Variants in PTK2 observed in about 807,000 individuals in gnomAD.
The protein encoded by PTK2 is protein tyrosine kinase 2.
A neutral mutation model predicts 150.1 loss-of-function variants in PTK2; 45 were observed. The observed-to-expected ratio is 0.30, with a 90% CI of 0.24 to 0.38. The LOEUF is 0.38. Among genes scored for constraint, PTK2 ranks in the 10% least tolerant of loss-of-function variants. PTK2 has a pLI of 1.00. For synonymous variants in PTK2, 432 were observed against 449.2 expected, an observed-to-expected ratio of 0.96 and a Z score of 0.48; for missense variants, 919 against 1,307.3, an observed-to-expected ratio of 0.70 and a Z score of 4.58.
chr8:140,730,047 A>T (rs1461444850), intron 22 of PTK2, among the ~76,000 whole-genome samples: 3 of 152,250 alleles, frequency 2.0e-5, no homozygotes, highest in Non-Finnish European at 4.4e-5. Flanking sequence ...TAGAAGAGCT[A>T]ACTGCAGAGG....
intron 5 of PTK2, among the ~76,000 whole-genome samples, chr8:140,851,169 T>C (rs1375928771): frequency 6.6e-6 from 1 of 152,240 alleles, no homozygotes; most frequent in Non-Finnish European, 1.5e-5. Context: ...GTGAAGTATT[T>C]TGTATACAGA....
chr8:140,766,704 G>A, intron 14 of PTK2, among the ~76,000 whole-genome samples: 1 of 152,324 alleles, frequency 6.6e-6, no homozygotes, highest in Admixed American at 6.5e-5. Context: ...ATACCCCTAA[G>A]AAACTGAGGC....
chr8:140,702,128 C>CAAAAAAAAAAAAA, intron 25 of PTK2, among the ~76,000 whole-genome samples: 1 of 42,714 alleles, frequency 2.3e-5, no homozygotes, highest in Non-Finnish European at 4.0e-5. Flanking sequence ...ACTCTGTCTC[C>CAAAAAAAAAAAAA]AAAAAAAAAA....
At chr8:140,762,493 T>A in intron 15 of PTK2, 105 bp from the exon 18 acceptor site, 1 of 425,552 alleles carries the variant, frequency 2.3e-6, no homozygotes, top group Non-Finnish European at 3.2e-6. Context: ...CAACAATACT[T>A]AATTTTTAAA....
chr8:140,829,817 A>C (rs2154602812), intron 8 of PTK2, among the ~76,000 whole-genome samples: 1 of 152,294 alleles, frequency 6.6e-6, no homozygotes, highest in South Asian at 2.1e-4. Flanking sequence ...CTGAGGCTAG[A>C]AAATGGCAGA....
chr8:140,660,639 C>T (rs1377022538), intron 31 of PTK2: 5 of 454,948 alleles, frequency 1.1e-5, no homozygotes, highest in South Asian at 4.7e-5. Flanking sequence ...CGTGGGAGGA[C>T]GGCTTGAGCC....
chr8:140,824,325 G>A (rs1205228638), intron 8 of PTK2, among the ~76,000 whole-genome samples: 3 of 152,152 alleles, frequency 2.0e-5, no homozygotes, highest in African/African-American at 4.8e-5. Flanking sequence ...TCTGTAGGCG[G>A]TGTTACCTTG....
At chr8:140,997,169 G>A (rs1424437654) in intron 1 of PTK2, among the ~76,000 whole-genome samples, 2 of 152,226 alleles carry the variant, frequency 1.3e-5, no homozygotes, top group Non-Finnish European at 2.9e-5. Context: ...AGAATTAGAA[G>A]TGGAACCTGA....
rs144226642 is a variant in PTK2 at position 140,797,999 on chromosome 8, GA to G, written c.1093+2459del. On this transcript the variant is annotated intron_variant, in intron 12 of 31. Coordinates refer to ENST00000522684, the Ensembl canonical transcript of PTK2. ...TCCAAAGTAACTATGGTAGATCAAA[GA>G]ACTAACAAAATGCATCTGGGCACAC... Among the ~76,000 whole-genome samples the G allele has an allele frequency of 5.3e-3, 811 of 152,068 alleles. 15 individuals are homozygous for G. In the East Asian group the frequency reaches 0.073, roughly 14 times the overall value.
chr8:140,795,106 C>T (rs1167330555), intron 12 of PTK2, among the ~76,000 whole-genome samples: 1 of 152,208 alleles, frequency 6.6e-6, no homozygotes, highest in Non-Finnish European at 1.5e-5. Flanking sequence ...GAACCCCTGA[C>T]CCAAACATCA....
intron 8 of PTK2, among the ~76,000 whole-genome samples, chr8:140,828,184 G>A (rs1223518349): frequency 3.3e-5 from 5 of 150,022 alleles, no homozygotes; most frequent in Non-Finnish European, 1.5e-5. Flanking sequence ...AAAAAAAAAA[G>A]AGAAAGTAGA....
chr8:140,761,400 T>G, intron 15 of PTK2, 138 bp from the exon 19 acceptor site: 1 of 751,310 alleles, frequency 1.3e-6, no homozygotes, highest in Middle Eastern at 3.3e-4. Flanking sequence ...TTAAACACAG[T>G]GGAATTCTCT....
chr8:140,731,071 T>C (rs552111687), intron 22 of PTK2, among the ~76,000 whole-genome samples: 15 of 150,358 alleles, frequency 1.0e-4, no homozygotes, highest in African/African-American at 3.2e-4. Flanking sequence ...GCGACTCTCT[T>C]GCCTCAGCCT....
At chr8:140,704,925 C>T (rs1007629561) in intron 24 of PTK2, among the ~76,000 whole-genome samples, 5 of 152,126 alleles carry the variant, frequency 3.3e-5, no homozygotes, top group Admixed American at 2.6e-4. Context: ...TTCAGTGCAA[C>T]CTTGCTGAAT....
At chr8:140,936,453 A>C (rs1440851536) in intron 1 of PTK2, among the ~76,000 whole-genome samples, 1 of 152,072 alleles carries the variant, frequency 6.6e-6, no homozygotes, top group Non-Finnish European at 1.5e-5. Context: ...TAAAAGCAAA[A>C]AGAACAACTT....
At chr8:140,756,422 G>A (rs777506220) in intron 16 of PTK2, among the ~76,000 whole-genome samples, 1 of 152,140 alleles carries the variant, frequency 6.6e-6, no homozygotes, top group Non-Finnish European at 1.5e-5. Flanking sequence ...TATGGGCCGG[G>A]CGCAGCGGCT....
In PTK2 at chr8:140,702,209, CTTTATTTATTACCT is replaced by C. The variant is rs1249976465; in HGVS notation, c.2367+347_2367+360del. 8.4e-5 allele frequency among the ~76,000 whole-genome samples: 11 copies of C among 131,638 alleles called. No homozygotes were observed. The Admixed American group carries it at 8.7e-4, about 10-fold the overall frequency. 86.4% of individuals were successfully genotyped at this position (131,638 alleles called of 152,430 possible). On this transcript the variant is annotated intron_variant, in intron 25 of 31. Coordinates refer to ENST00000522684, the Ensembl canonical transcript of PTK2. The stretch of plus-strand genomic sequence containing the variant: ...GAAATAAAAGGTACCTTAGGCCATG[CTTTATTTATTACCT>C]TTTTTTTTTTTTTTGAGACAAGCTC...
chr8:140,885,570 G>A (rs1330544691), intron 3 of PTK2, among the ~76,000 whole-genome samples: 6 of 152,174 alleles, frequency 3.9e-5, no homozygotes, highest in African/African-American at 1.4e-4. Flanking sequence ...AGGCATAAGG[G>A]AGCATTCTTA....
chr8:140,883,986 C>T (rs2100150779), intron 3 of PTK2, among the ~76,000 whole-genome samples: 1 of 152,052 alleles, frequency 6.6e-6, no homozygotes, highest in African/African-American at 2.4e-5. Flanking sequence ...CACTCCTTGG[C>T]TCATGGTCGT....
Sources: gnomAD v4.1 joint callset for allele counts (sites outside exome capture counted in the v4.1 genomes callset) on GRCh38, gnomAD v4.1.1 for gene constraint, MANE v1.5 for transcripts, NCBI Gene and HGNC (gene_info 2026-07-23, HGNC 2026-07-21) for gene names.